Variants in SLC14A2 observed in about 807,000 individuals in gnomAD.
The protein encoded by SLC14A2 is solute carrier family 14 member 2.
Under a neutral mutation model 104.6 loss-of-function variants are expected in SLC14A2, and 91 were observed. The ratio of observed to expected loss-of-function variants is 0.87; its 90% CI spans 0.73 to 1.04. The LOEUF is 1.04. Ranked by LOEUF, SLC14A2 falls within the 50% of genes least tolerant of loss-of-function variation. The pLI, the probability that SLC14A2 is intolerant of heterozygous loss-of-function variation, is 0.00. For missense variants in SLC14A2, 1,189 were observed against 1,156.0 expected, an observed-to-expected ratio of 1.03 and a Z score of -0.41; for synonymous variants, 476 against 466.4, an observed-to-expected ratio of 1.02 and a Z score of -0.27.
At chr18:45,335,481 TG>T (rs2085329963) in intron 1 of SLC14A2, among the ~76,000 whole-genome samples, 1 of 470 alleles carries the variant, frequency 2.1e-3, no homozygotes. Flanking sequence ...GAATGCAAAG[TG>T]AAGTGTTTTG....
At chr18:45,365,655 C>T (rs1359726617) in intron 1 of SLC14A2, among the ~76,000 whole-genome samples, 1 of 152,140 alleles carries the variant, frequency 6.6e-6, no homozygotes, top group Non-Finnish European at 1.5e-5. Flanking sequence ...CCTATACCTC[C>T]CTGCTCGGTG....
intron 1 of SLC14A2, among the ~76,000 whole-genome samples, chr18:45,397,090 G>C (rs1219179839): frequency 6.6e-6 from 1 of 152,072 alleles, no homozygotes; most frequent in Admixed American, 6.6e-5. Flanking sequence ...GGTTGATTCT[G>C]TGTTTTGCTA....
In SLC14A2 at chr18:45,615,481, A is replaced by G. The variant is rs552135620; in HGVS notation, c.-136A>G. The G allele has an allele frequency of 5.2e-4, 79 of 152,212 alleles. No individual in the cohort carries two copies. The highest frequency in any genetic ancestry group is 1.3e-3 in the African/African-American group (55 of 41,530). The allele number at this position is 152,212 out of a possible 1,614,324, so 9.4% of individuals were successfully genotyped here. ...GTTTGGCAAGTTCCTGCTCCACACCATCTCTCTCTTCTGCCGCCATTTGAG... is the reference window on the plus strand; with the variant it reads ...GTTTGGCAAGTTCCTGCTCCACACCGTCTCTCTCTTCTGCCGCCATTTGAG... On this transcript the variant is annotated 5_prime_UTR_variant, in exon 1 of 20. Coordinates refer to ENST00000255226, the MANE Select transcript of SLC14A2 (RefSeq NM_007163.4).
At chr18:45,649,945 A>G (rs1437066124) in intron 10 of SLC14A2, among the ~76,000 whole-genome samples, 2 of 152,222 alleles carry the variant, frequency 1.3e-5, no homozygotes, top group East Asian at 1.9e-4. Context: ...TTTCTCATCA[A>G]TCCTGCCTCT....
chr18:45,229,861 A>G (rs959291273), intron 1 of SLC14A2, among the ~76,000 whole-genome samples: 2 of 149,500 alleles, frequency 1.3e-5, no homozygotes, highest in Non-Finnish European at 3.0e-5. Context: ...AATGAACATG[A>G]TTAAAAGTGT....
intron 1 of SLC14A2, among the ~76,000 whole-genome samples, chr18:45,361,435 C>T (rs1383145664): frequency 6.6e-6 from 1 of 152,188 alleles, no homozygotes; most frequent in Non-Finnish European, 1.5e-5. Flanking sequence ...CCCACCTACA[C>T]AACCAGACAG....
At chr18:45,412,987 A>G (rs572671846) in intron 1 of SLC14A2, among the ~76,000 whole-genome samples, 1 of 152,338 alleles carries the variant, frequency 6.6e-6, no homozygotes, top group East Asian at 1.9e-4. Flanking sequence ...TTTTCAAAGA[A>G]TCTGGTTTCT....
At chr18:45,554,589 G>T (rs1312666841) in intron 2 of SLC14A2, among the ~76,000 whole-genome samples, 3 of 152,022 alleles carry the variant, frequency 2.0e-5, no homozygotes, top group African/African-American at 7.2e-5. Flanking sequence ...GCCACATCTG[G>T]AAAACAGCTC....
chr18:45,176,658 C>A, the SLC14A2 span, among the ~76,000 whole-genome samples: 8 of 152,140 alleles, frequency 5.3e-5, no homozygotes, highest in Non-Finnish European at 1.0e-4. Flanking sequence ...TTCCAGAAGC[C>A]CCCTCTTCCT....
intron 1 of SLC14A2, among the ~76,000 whole-genome samples, chr18:45,399,793 T>C (rs1433923017): frequency 6.6e-6 from 1 of 152,156 alleles, no homozygotes; most frequent in African/African-American, 2.4e-5. Context: ...AGGGTTCTGA[T>C]CATGCTACTA....
At chr18:45,431,246 G>A (rs982843866) in intron 1 of SLC14A2, among the ~76,000 whole-genome samples, 2 of 152,080 alleles carry the variant, frequency 1.3e-5, no homozygotes, top group Non-Finnish European at 2.9e-5. Context: ...AAAGAATTAA[G>A]ATGTTATATT....
At chr18:45,669,782 C>T (rs1437257021) in intron 16 of SLC14A2, among the ~76,000 whole-genome samples, 1 of 152,216 alleles carries the variant, frequency 6.6e-6, no homozygotes, top group East Asian at 1.9e-4. Flanking sequence ...AAAGTCAAGA[C>T]TAGAACTTCA....
At position 45,675,685 on chromosome 18, in the gene SLC14A2, C is replaced by CTATATATA. The variant is rs35374996; in HGVS notation, c.2512+1886_2512+1893dup. ...ATGCACCACCATGCCCAGCTAATTT[C>CTATATATA]TATATATATATATATATATATATAT... On this transcript the variant is annotated intron_variant, in intron 18 of 19. Transcript: ENST00000255226. Among the ~76,000 whole-genome samples the CTATATATA allele has an allele frequency of 1.8e-3, 142 of 80,608 alleles. 1 individual carries two copies. Among genetic ancestry groups the CTATATATA allele is most frequent in the Middle Eastern group, 6.7e-3 (1 of 150 alleles). The allele number at this position is 80,608 out of a possible 152,430, so 52.9% of individuals were successfully genotyped here. A position where few individuals can be genotyped will look rare whatever the true frequency, so the allele number is the denominator to read the frequency against.
chr18:45,184,059 G>A, the SLC14A2 span, among the ~76,000 whole-genome samples: 75,426 of 151,134 alleles, frequency 0.5, 19,252 homozygotes, highest in Non-Finnish European at 0.57. Flanking sequence ...CAGCCATCAG[G>A]GTCATTTCTG....
At chr18:45,210,129 C>A (rs968365539), upstream of SLC14A2, among the ~76,000 whole-genome samples, 1 of 152,130 alleles carries the variant, frequency 6.6e-6, no homozygotes, top group Non-Finnish European at 1.5e-5. Flanking sequence ...GGCTTTTATG[C>A]CAAGATCTAG....
At chr18:45,173,669 G>A in the SLC14A2 span, among the ~76,000 whole-genome samples, 2 of 152,076 alleles carry the variant, frequency 1.3e-5, no homozygotes, top group Non-Finnish European at 2.9e-5. Flanking sequence ...CTTGAAGCAT[G>A]CATGGATAAT....
chr18:45,360,889 T>C (rs116220764), intron 1 of SLC14A2, among the ~76,000 whole-genome samples: 1 of 152,224 alleles, frequency 6.6e-6, no homozygotes, highest in Admixed American at 6.5e-5. Context: ...AAAGTTTATC[T>C]GAAACATTCC....
At chr18:45,495,120 C>CT (rs1479018570) in intron 2 of SLC14A2, among the ~76,000 whole-genome samples, 8 of 152,072 alleles carry the variant, frequency 5.3e-5, no homozygotes, top group Non-Finnish European at 1.2e-4. Context: ...GTCTGACTCT[C>CT]TCTCTCGTCC....
intron 1 of SLC14A2, among the ~76,000 whole-genome samples, chr18:45,306,198 A>G (rs1350292357): frequency 6.6e-6 from 1 of 152,150 alleles, no homozygotes; most frequent in East Asian, 1.9e-4. Context: ...GTGAGAGGGA[A>G]TGTTGGGCCA....
Sources: gnomAD v4.1 joint callset for allele counts (sites outside exome capture counted in the v4.1 genomes callset) on GRCh38, gnomAD v4.1.1 for gene constraint, MANE v1.5 for transcripts, NCBI Gene and HGNC (gene_info 2026-07-23, HGNC 2026-07-21) for gene names.